Variants in TBC1D10A observed in about 807,000 individuals in gnomAD.
TBC1D10A encodes the protein TBC1 domain family member 10A.
A neutral mutation model predicts 52.9 loss-of-function variants in TBC1D10A; 24 were observed. That is an observed-to-expected ratio of 0.45 (90% CI 0.33 to 0.64). TBC1D10A has a LOEUF of 0.64. TBC1D10A is among the 30% of genes least tolerant of loss of function. The pLI is 0.02. For missense variants in TBC1D10A, 602 were observed against 687.9 expected (o/e 0.88, Z 1.40); for synonymous variants, 278 against 282.9 (o/e 0.98, Z 0.17).
chr22:30,295,702 G>A, intron 4 of TBC1D10A, 35 bp downstream of exon 4: 1 of 1,608,128 alleles, frequency 6.2e-7, no homozygotes, highest in Non-Finnish European at 8.5e-7. Context: ...AGGCCCTAGA[G>A]CCACCTCCCA....
At chr22:30,326,230 G>A (rs1183818400) in intron 1 of TBC1D10A, among the ~76,000 whole-genome samples, 2 of 149,642 alleles carry the variant, frequency 1.3e-5, no homozygotes, top group Non-Finnish European at 3.0e-5. Context: ...AGACAAGGGC[G>A]TCTGTGGGTT....
Position 30,293,823 on chromosome 22 carries a change from A to C in TBC1D10A, c.896-18T>G, listed in dbSNP as rs772376609. 1.9e-6 allele frequency: 3 copies of C among 1,605,666 alleles called. No individual in the cohort carries two copies. Among genetic ancestry groups the C allele is most frequent in the Non-Finnish European group, 1.7e-6 (2 of 1,173,572 alleles). The stretch of plus-strand genomic sequence containing the variant: ...CTTGACCCCTGCATGGGGGATGGGC[A>C]GTAAGTACAAGGAAGCTTTTTGGGG... On this transcript the variant is annotated intron_variant, in intron 7 of 8. Coordinates refer to ENST00000215790, the MANE Select transcript of TBC1D10A (RefSeq NM_031937.3).
intron 1 of TBC1D10A, among the ~76,000 whole-genome samples, chr22:30,319,684 A>G (rs377660434): frequency 1.4e-4 from 22 of 152,080 alleles, no homozygotes; most frequent in African/African-American, 5.1e-4. Context: ...GGGGGCTTCT[A>G]AGCTGGTTAA....
intron 2 of TBC1D10A, among the ~76,000 whole-genome samples, chr22:30,302,140 A>G (rs1930214287): frequency 6.6e-6 from 1 of 152,204 alleles, no homozygotes; most frequent in African/African-American, 2.4e-5. Flanking sequence ...TGGCCTCCTC[A>G]GCATAAAGGT....
At chr22:30,318,664 C>A in intron 1 of TBC1D10A, 1 of 471,206 alleles carries the variant, frequency 2.1e-6, no homozygotes, top group Non-Finnish European at 4.4e-6. Context: ...CCTACCTCTC[C>A]ATCAGCCCAC....
chr22:30,301,556 C>G (rs147879041), intron 2 of TBC1D10A, among the ~76,000 whole-genome samples: 1 of 152,128 alleles, frequency 6.6e-6, no homozygotes, highest in African/African-American at 2.4e-5. Context: ...TCCTCTCTGC[C>G]CCTCCATCCC....
At chr22:30,299,779 C>A in intron 2 of TBC1D10A, 1 of 388,204 alleles carries the variant, frequency 2.6e-6, no homozygotes. Context: ...CCAGCCTGGC[C>A]AACATGGTGA....
chr22:30,294,917 T>G (rs1930041197), intron 5 of TBC1D10A, 24 bp downstream of exon 5: 1 of 1,610,644 alleles, frequency 6.2e-7, no homozygotes, highest in Non-Finnish European at 8.5e-7. Context: ...CCCACCCCCC[T>G]GCCTGCCCGG....
Position 30,304,595 on chromosome 22 carries a change from C to G in TBC1D10A, c.245G>C (p.Arg82Thr). The change falls in exon 2 of 9, where the codon AGG becomes ACG. Residue 82 changes from arginine (R) to threonine (T), a missense_variant. By Grantham distance (71) the Arg-to-Thr change is moderately conservative (BLOSUM62 -1). Around this residue, in one of 3 missense-constraint regions of TBC1D10A, gnomAD observed 201 missense variants for 204.4 expected, o/e 0.98. Coordinates refer to ENST00000215790, the MANE Select transcript of TBC1D10A (RefSeq NM_031937.3). ...EEVPLEVLRQ[R>T]ESKWLDMLNN... ...GAGCATGTCCAGCCACTTGGACTCCCTCTGCCTCAGCACCTCCAGGGGTAC... is the reference window on the plus strand; with the variant it reads ...GAGCATGTCCAGCCACTTGGACTCCGTCTGCCTCAGCACCTCCAGGGGTAC... 1 of 1,614,074 alleles carries G rather than the reference C, an allele frequency of 6.2e-7. No homozygotes were observed. Among genetic ancestry groups the G allele is most frequent in the Non-Finnish European group, 8.5e-7 (1 of 1,179,960 alleles).
At chr22:30,299,639 A>G in intron 2 of TBC1D10A, 88 bp from the exon 3 acceptor site, 3 of 1,192,636 alleles carry the variant, frequency 2.5e-6, no homozygotes, top group Non-Finnish European at 3.6e-6. Context: ...GTGGGCCCTC[A>G]GTGCACACAG....
In TBC1D10A at chr22:30,292,466, G is replaced by A. The variant is rs1043016118; in HGVS notation, c.1436C>T (p.Ser479Leu). The change falls in exon 9 of 9, where the codon TCA becomes TTA. Residue 479 changes from serine (S) to leucine (L), a missense_variant. This residue lies in a region of TBC1D10A where 265 missense variants were observed against 275.1 expected (regional missense o/e 0.96). Coordinates refer to ENST00000215790, the MANE Select transcript of TBC1D10A (RefSeq NM_031937.3). Reference sequence around the variant, plus strand: ...CTGGGGAGCCAAATCCTGAGGGGCTGAGTCCTTGGGGGCTGAGTCCTTCGG... The same window carrying A: ...CTGGGGAGCCAAATCCTGAGGGGCTAAGTCCTTGGGGGCTGAGTCCTTCGG... ...VPPKDSAPKD[S>L]APQDLAPQVS... 2 of 1,604,412 alleles carry A rather than the reference G, an allele frequency of 1.2e-6. No homozygotes were observed. The highest frequency in any genetic ancestry group is 1.7e-4 in the Middle Eastern group (1 of 6,010).
intron 2 of TBC1D10A, among the ~76,000 whole-genome samples, chr22:30,301,523 T>A (rs1468355044): frequency 6.6e-6 from 1 of 152,144 alleles, no homozygotes; most frequent in Non-Finnish European, 1.5e-5. Flanking sequence ...CCTGACACAG[T>A]CTGTGTTCAG....
chr22:30,295,991 A>G, intron 3 of TBC1D10A, 148 bp from the exon 4 acceptor site: 1 of 676,488 alleles, frequency 1.5e-6, no homozygotes, highest in Non-Finnish European at 2.5e-6. Context: ...TCCCAAGGAC[A>G]GGAAGAGAAG....
chr22:30,305,669 T>A (rs1298911076), intron 1 of TBC1D10A: 1 of 152,248 alleles, frequency 6.6e-6, no homozygotes, highest in African/African-American at 2.4e-5. Context: ...GAGTCTCTGA[T>A]CCTCTCTCTG....
At chr22:30,320,485 A>G (rs563842008) in intron 1 of TBC1D10A, among the ~76,000 whole-genome samples, 1 of 152,220 alleles carries the variant, frequency 6.6e-6, no homozygotes, top group South Asian at 2.1e-4. Flanking sequence ...TCACTACTGG[A>G]TGCAGTGTCA....
chr22:30,326,901 T>A lies in TBC1D10A; in HGVS notation c.-20A>T. On this transcript the variant is annotated 5_prime_UTR_variant, in exon 1 of 9. Coordinates refer to ENST00000215790, the MANE Select transcript of TBC1D10A (RefSeq NM_031937.3). ...CGCCATCCCAGCCGCGCCCGCCGCC[T>A]GAGCTCCAGCGGCCACCTCAGCCGC... is the stretch of plus-strand genomic sequence containing the variant. The A allele has an allele frequency of 6.9e-7, 1 of 1,458,848 alleles. No homozygotes were observed. Among genetic ancestry groups the A allele is most frequent in the Non-Finnish European group, 9.0e-7 (1 of 1,111,578 alleles). The allele number at this position is 1,458,848 out of a possible 1,614,324, so 90.4% of individuals were successfully genotyped here.
intron 1 of TBC1D10A, among the ~76,000 whole-genome samples, chr22:30,314,819 A>G (rs2145780553): frequency 6.6e-6 from 1 of 151,690 alleles, no homozygotes; most frequent in Middle Eastern, 3.4e-3. Flanking sequence ...TCAAAAAAAA[A>G]AAAAAAACCC....
At chr22:30,326,527 G>T in intron 1 of TBC1D10A, 146 bp downstream of exon 1, 1 of 762,796 alleles carries the variant, frequency 1.3e-6, no homozygotes, top group Non-Finnish European at 2.0e-6. Context: ...AGGCAGGGGT[G>T]GTGGGGGTGG....
chr22:30,292,476 G>A lies in TBC1D10A; in HGVS notation c.1426C>T (p.Pro476Ser), dbSNP rs1929965972. ...PQHVPPKDSA[P>S]KDSAPQDLAP... ...AAATCCTGAGGGGCTGAGTCCTTGG[G>A]GGCTGAGTCCTTCGGGGGCACATGC... The change falls in exon 9 of 9, where the codon CCC becomes TCC. Residue 476 changes from proline to serine, a missense_variant. Pro to Ser is a moderately conservative substitution (Grantham distance 74). Around this residue, in one of 3 missense-constraint regions of TBC1D10A, gnomAD observed 265 missense variants for 275.1 expected, o/e 0.96. Coordinates refer to ENST00000215790, the MANE Select transcript of TBC1D10A (RefSeq NM_031937.3). 6.2e-7 allele frequency: 1 copy of A among 1,607,044 alleles called. No individual in the cohort carries two copies. The highest frequency in any genetic ancestry group is 8.5e-7 in the Non-Finnish European group (1 of 1,176,376).
Sources: allele counts gnomAD v4.1 joint callset (sites outside exome capture counted in the v4.1 genomes callset), GRCh38; gene constraint gnomAD v4.1.1; regional missense constraint gnomAD v4.1.1; transcripts MANE v1.5; gene names NCBI Gene and HGNC (gene_info 2026-07-23, HGNC 2026-07-21).